The following PTPRM variants were observed in gnomAD, a reference collection of about 807,000 sequenced individuals.
PTPRM encodes receptor-type tyrosine-protein phosphatase mu.
PTPRM carries 47 observed loss-of-function variants against 186.7 expected under a neutral mutation model. The observed-to-expected ratio is 0.25, with a 90% CI of 0.20 to 0.32. PTPRM has a LOEUF of 0.32. Among genes scored for constraint, PTPRM ranks in the 10% least tolerant of loss-of-function variants. PTPRM has a pLI of 1.00. For synonymous variants in PTPRM, 668 were observed against 674.9 expected, an observed-to-expected ratio of 0.99 and a Z score of 0.16; for missense variants, 1,494 against 1,865.0, an observed-to-expected ratio of 0.80 and a Z score of 3.66.
chr18:8,244,054 T>G lies in PTPRM; in HGVS notation c.2301-4T>G, dbSNP rs943114976. ...GCCTACATAATTGAATTCTTTATCC[T>G]AAGGAAACTGGCCAAGAAGCGGAAA... On this transcript the variant is annotated splice_polypyrimidine_tract_variant and splice_region_variant and intron_variant, in intron 14 of 32. Coordinates refer to ENST00000580170, the MANE Select transcript of PTPRM (RefSeq NM_001105244.2). The G allele has an allele frequency of 2.7e-5, 44 of 1,607,460 alleles. No individual in the cohort carries two copies. The highest frequency in any genetic ancestry group is 3.4e-5 in the Non-Finnish European group (40 of 1,178,018).
At chr18:8,395,368 C>T (rs960513102) in intron 32 of PTPRM, among the ~76,000 whole-genome samples, 2 of 152,136 alleles carry the variant, frequency 1.3e-5, no homozygotes, top group African/African-American at 2.4e-5. Context: ...CATCACAACA[C>T]TGGGGTTGAT....
At chr18:7,956,261 A>G (rs2053303359) in intron 7 of PTPRM, among the ~76,000 whole-genome samples, 1 of 152,232 alleles carries the variant, frequency 6.6e-6, no homozygotes, top group Non-Finnish European at 1.5e-5. Context: ...TTAGATAAGA[A>G]TACATTTATC....
At chr18:7,618,462 T>C (rs2037859320) in intron 1 of PTPRM, among the ~76,000 whole-genome samples, 1 of 152,180 alleles carries the variant, frequency 6.6e-6, no homozygotes, top group African/African-American at 2.4e-5. Context: ...AGTAATAAAA[T>C]TAGTTTTAGT....
At chr18:8,383,954 G>A (rs1425911594) in intron 29 of PTPRM, among the ~76,000 whole-genome samples, 1 of 152,160 alleles carries the variant, frequency 6.6e-6, no homozygotes, top group African/African-American at 2.4e-5. Context: ...TGCAAAAGGG[G>A]ACATGGCGAC....
At chr18:7,672,131 A>G (rs2039230739) in intron 1 of PTPRM, among the ~76,000 whole-genome samples, 1 of 152,200 alleles carries the variant, frequency 6.6e-6, no homozygotes, top group African/African-American at 2.4e-5. Context: ...ATCCATAGTC[A>G]TTGAAATGGG....
intron 20 of PTPRM, among the ~76,000 whole-genome samples, chr18:8,302,256 A>G (rs1290934617): frequency 1.3e-5 from 2 of 152,166 alleles, no homozygotes; most frequent in African/African-American, 4.8e-5. Flanking sequence ...ACTGAACAAG[A>G]GGGGACGGAG....
chr18:7,799,853 C>A (rs977742912), intron 2 of PTPRM, among the ~76,000 whole-genome samples: 7 of 152,034 alleles, frequency 4.6e-5, no homozygotes, highest in Non-Finnish European at 8.8e-5. Flanking sequence ...ATATAACATC[C>A]TTATTTTGTT....
intron 1 of PTPRM, among the ~76,000 whole-genome samples, chr18:7,772,559 A>T (rs936753077): frequency 2.0e-5 from 3 of 148,396 alleles, no homozygotes; most frequent in African/African-American, 7.5e-5. Context: ...TATACATTTC[A>T]AGAAGCAGAG....
At chr18:8,002,301 G>A (rs557496048) in intron 7 of PTPRM, among the ~76,000 whole-genome samples, 19 of 152,172 alleles carry the variant, frequency 1.2e-4, no homozygotes, top group Admixed American at 2.0e-4. Context: ...GGGAATGAAG[G>A]TCCTGCCATC....
chr18:8,034,489 A>G (rs1286172744), intron 7 of PTPRM, among the ~76,000 whole-genome samples: 1 of 152,198 alleles, frequency 6.6e-6, no homozygotes, highest in Non-Finnish European at 1.5e-5. Flanking sequence ...TCTGCTTCTA[A>G]AATACAGTGA....
chr18:7,629,206 G>A (rs564357981), intron 1 of PTPRM, among the ~76,000 whole-genome samples: 1 of 152,298 alleles, frequency 6.6e-6, no homozygotes, highest in Non-Finnish European at 1.5e-5. Context: ...GGGTTTGGGA[G>A]GAAGGATTCA....
At chr18:8,107,315 G>A (rs1046243320) in intron 11 of PTPRM, among the ~76,000 whole-genome samples, 1 of 152,046 alleles carries the variant, frequency 6.6e-6, no homozygotes, top group East Asian at 1.9e-4. Flanking sequence ...AATGATAGGT[G>A]GCCTTTTACA....
chr18:7,978,968 C>T (rs767096102), intron 7 of PTPRM, among the ~76,000 whole-genome samples: 21 of 152,064 alleles, frequency 1.4e-4, no homozygotes, highest in African/African-American at 4.8e-4. Context: ...TCTGGGCTCC[C>T]CACCTGTATT....
At chr18:8,394,445 G>T in intron 31 of PTPRM, 31 bp from the exon 32 acceptor site, 1 of 1,592,626 alleles carries the variant, frequency 6.3e-7, no homozygotes, top group South Asian at 1.1e-5. Flanking sequence ...AAGACAGACC[G>T]AGTGCAGTCA....
At position 7,979,844 on chromosome 18, in the gene PTPRM, A is replaced by C. The variant is rs114297914; in HGVS notation, c.1132+24430A>C. The stretch of plus-strand genomic sequence containing the variant: ...CTGCACTGGCATTTCCAGTGAAGTG[A>C]CTTGGGACACACTTCCTCTTTCTGC... On this transcript the variant is annotated intron_variant, in intron 7 of 32. Coordinates refer to ENST00000580170, the MANE Select transcript of PTPRM (RefSeq NM_001105244.2). 7.2e-3 allele frequency among the ~76,000 whole-genome samples: 1,100 copies of C among 152,216 alleles called. 10 individuals are homozygous for C. The highest frequency in any genetic ancestry group is 0.025 in the African/African-American group (1,022 of 41,554).
At chr18:8,333,036 G>A (rs1011290016) in intron 22 of PTPRM, among the ~76,000 whole-genome samples, 4 of 152,112 alleles carry the variant, frequency 2.6e-5, no homozygotes, top group Admixed American at 6.6e-5. Context: ...TTGATTTTAG[G>A]TTAAAGTATT....
At chr18:8,056,780 A>G (rs1219905772) in intron 7 of PTPRM, among the ~76,000 whole-genome samples, 3 of 151,444 alleles carry the variant, frequency 2.0e-5, no homozygotes, top group African/African-American at 7.3e-5. Context: ...ACATCTGAAC[A>G]TTGTTTTTCT....
chr18:7,883,450 C>G (rs1008295078), intron 2 of PTPRM, among the ~76,000 whole-genome samples: 9 of 152,176 alleles, frequency 5.9e-5, no homozygotes, highest in African/African-American at 2.2e-4. Context: ...TGACTTTATA[C>G]CTTCATAGCA....
intron 7 of PTPRM, among the ~76,000 whole-genome samples, chr18:7,992,722 G>C (rs528617614): frequency 1.3e-5 from 2 of 152,070 alleles, no homozygotes; most frequent in Admixed American, 6.6e-5. Flanking sequence ...TTTACCATAG[G>C]CTAATTAATA....
Sources: allele counts gnomAD v4.1 joint callset (sites outside exome capture counted in the v4.1 genomes callset), GRCh38; gene constraint gnomAD v4.1.1; transcripts MANE v1.5; gene names NCBI Gene and HGNC (gene_info 2026-07-23, HGNC 2026-07-21).